The following C6orf163 variants were observed in gnomAD, a reference collection of about 807,000 sequenced individuals.
C6orf163 encodes uncharacterized protein C6orf163.
Under a neutral mutation model 28.4 loss-of-function variants are expected in C6orf163, and 22 were observed. The observed-to-expected ratio is 0.78, with a 90% CI of 0.55 to 1.11. The LOEUF is 1.11. Ranked by LOEUF, C6orf163 falls within the 50% of genes least tolerant of loss-of-function variation. The probability of loss-of-function intolerance (pLI) is 0.00; values close to 1 mark genes in which losing one functional copy is unlikely to be tolerated. For synonymous variants in C6orf163, 110 were observed against 123.6 expected (o/e 0.89, Z 0.73); for missense variants, 342 against 389.1 (o/e 0.88, Z 1.02).
At chr6:87,352,124 G>T (rs368820277) in intron 3 of C6orf163, among the ~76,000 whole-genome samples, 1 of 152,174 alleles carries the variant, frequency 6.6e-6, no homozygotes. Context: ...TTGTCCGGGG[G>T]TTGAGAATTT....
rs907310836 is a variant in C6orf163, at chr6:87,348,667, A to G, written c.149-145A>G. The G allele has an allele frequency of 3.5e-6, 5 of 1,412,374 alleles. No individual in the cohort carries two copies. The African/African-American group carries it at 4.4e-5, about 12-fold the overall frequency. 87.5% of individuals were successfully genotyped at this position (1,412,374 alleles called of 1,614,324 possible). A position where few individuals can be genotyped will look rare whatever the true frequency, so the allele number is the denominator to read the frequency against. On this transcript the variant is annotated intron_variant, in intron 1 of 4. Transcript: ENST00000388923. ...AATCAGAGAAAATCTTACTCTTTCAATGGGTATCTTTGAAATATATATACT... is the reference window on the plus strand; with the variant it reads ...AATCAGAGAAAATCTTACTCTTTCAGTGGGTATCTTTGAAATATATATACT...
intron 2 of C6orf163, among the ~76,000 whole-genome samples, chr6:87,349,136 C>G (rs1437019773): frequency 2.0e-5 from 3 of 152,152 alleles, no homozygotes; most frequent in Non-Finnish European, 4.4e-5. Flanking sequence ...AATAATATGC[C>G]TGGCACACAG....
At chr6:87,346,037 G>A (rs191150953) in intron 1 of C6orf163, among the ~76,000 whole-genome samples, 10 of 122,730 alleles carry the variant, frequency 8.1e-5, no homozygotes, top group Admixed American at 3.0e-4. Context: ...ACATGAGGAC[G>A]TTTACTGTAC....
chr6:87,355,948 C>T (rs1282468910), intron 3 of C6orf163, among the ~76,000 whole-genome samples: 1 of 152,150 alleles, frequency 6.6e-6, no homozygotes, highest in Non-Finnish European at 1.5e-5. Flanking sequence ...CTTACTAAAG[C>T]AGAATTGCAT....
At chr6:87,349,405 CCT>C (rs1041891774) in intron 2 of C6orf163, among the ~76,000 whole-genome samples, 4 of 152,248 alleles carry the variant, frequency 2.6e-5, no homozygotes, top group African/African-American at 9.6e-5. Context: ...CTTTTCCTCC[CCT>C]CTCTCCCAAA....
Position 87,356,374 on chromosome 6 carries a change from C to T in C6orf163, c.425C>T (p.Ala142Val). Reference sequence around the variant, plus strand: ...GAAATGAAGAGAGAGCACTTGGCTGCAGAACAGCGCATGGTCCACAGAATC... The same window carrying T: ...GAAATGAAGAGAGAGCACTTGGCTGTAGAACAGCGCATGGTCCACAGAATC... ...DDEMKREHLAAEQRMVHRIQR... is the reference protein window; with the variant it reads ...DDEMKREHLAVEQRMVHRIQR... Residue 142 changes from alanine to valine, a missense_variant, in exon 4 of 5, where the codon GCA becomes GTA. Ala to Val is a moderately conservative substitution (Grantham distance 64). Coordinates refer to ENST00000388923, the MANE Select transcript of C6orf163 (RefSeq NM_001010868.3). 6.4e-7 allele frequency: 1 copy of T among 1,551,660 alleles called. No homozygotes were observed.
chr6:87,363,608 G>C (rs1207648499), intron 4 of C6orf163, among the ~76,000 whole-genome samples: 1 of 150,330 alleles, frequency 6.7e-6, no homozygotes, highest in Non-Finnish European at 1.5e-5. Flanking sequence ...TTGGTTTTTT[G>C]TTCTTGCAAT....
rs2127936629 is a variant in C6orf163 at position 87,365,064 on chromosome 6, C to T, written c.658C>T (p.Leu220Phe). 2 of 1,551,792 alleles carry T rather than the reference C, an allele frequency of 1.3e-6. No individual in the cohort carries two copies. The highest frequency in any genetic ancestry group is 2.4e-5 in the South Asian group (2 of 84,048). ...MREKEHEMSI[L>F]YGIAQRQRQE... ...GGAAAAAGAACATGAAATGAGCATC[C>T]TCTATGGCATAGCTCAGAGGCAGAG... The change falls in exon 5 of 5, where the codon CTC (leucine) becomes TTC (phenylalanine). Residue 220 changes from leucine (L) to phenylalanine (F), a missense_variant. Transcript: ENST00000388923.
intron 4 of C6orf163, 93 bp downstream of exon 4, chr6:87,356,596 G>T: frequency 1.7e-6 from 2 of 1,157,462 alleles, no homozygotes; most frequent in Non-Finnish European, 2.4e-6. Flanking sequence ...GGTAGATATT[G>T]CCCAGTTTTT....
intron 3 of C6orf163, chr6:87,356,076 A>G: frequency 2.0e-6 from 1 of 488,412 alleles, no homozygotes; most frequent in East Asian, 3.2e-5. Flanking sequence ...CCCTTTCAAT[A>G]TTATCTACGT....
intron 3 of C6orf163, among the ~76,000 whole-genome samples, chr6:87,352,972 C>T (rs1045416427): frequency 6.6e-6 from 1 of 152,106 alleles, no homozygotes; most frequent in African/African-American, 2.4e-5. Flanking sequence ...GTGACTCACT[C>T]AAGATGCATT....
intron 1 of C6orf163, among the ~76,000 whole-genome samples, chr6:87,346,709 G>C (rs1030211023): frequency 1.3e-5 from 2 of 152,142 alleles, no homozygotes; most frequent in Non-Finnish European, 2.9e-5. Flanking sequence ...TATTAATACA[G>C]ATATCCAAAC....
At chr6:87,348,386 C>T (rs1582104131) in intron 1 of C6orf163, 1 of 988,378 alleles carries the variant, frequency 1.0e-6, no homozygotes, top group South Asian at 4.7e-5. Flanking sequence ...TAAAGAAAGG[C>T]ATGTAATGTG....
chr6:87,350,016 C>T (rs928810684), intron 2 of C6orf163, among the ~76,000 whole-genome samples: 25 of 152,196 alleles, frequency 1.6e-4, no homozygotes, highest in African/African-American at 5.6e-4. Flanking sequence ...TAGCTTTGTG[C>T]GTCTTTTCAT....
chr6:87,347,617 A>G lies in C6orf163; in HGVS notation c.149-1195A>G, dbSNP rs549869933. ...AGTAGGAGACTCTGTGCCGCCAAAC[A>G]TATACTTTTAATTGCTAGTGACAGA... On this transcript the variant is annotated intron_variant, in intron 1 of 4. Transcript: ENST00000388923. The G allele has an allele frequency of 4.8e-5, 47 of 985,422 alleles. No homozygotes were observed. The African/African-American group carries it at 4.9e-4, about 10-fold the overall frequency. 61.0% of individuals were successfully genotyped at this position (985,422 alleles called of 1,614,324 possible). A position where few individuals can be genotyped will look rare whatever the true frequency, so the allele number is the denominator to read the frequency against.
At chr6:87,351,047 A>G (rs990449220) in intron 3 of C6orf163, among the ~76,000 whole-genome samples, 1 of 152,226 alleles carries the variant, frequency 6.6e-6, no homozygotes, top group Non-Finnish European at 1.5e-5. Context: ...CTGTCCCTCA[A>G]TAATTTAATG....
chr6:87,348,605 C>T, intron 1 of C6orf163: 4 of 1,340,696 alleles, frequency 3.0e-6, no homozygotes, highest in Non-Finnish European at 3.8e-6. Flanking sequence ...GAATGACCAA[C>T]TCTATCCAGG....
At chr6:87,360,252 A>G (rs1777561967) in intron 4 of C6orf163, among the ~76,000 whole-genome samples, 1 of 147,100 alleles carries the variant, frequency 6.8e-6, no homozygotes, top group African/African-American at 2.5e-5. Context: ...TTCTCATATG[A>G]TAAGCTTTCT....
intron 3 of C6orf163, among the ~76,000 whole-genome samples, chr6:87,354,002 C>T (rs1371010719): frequency 6.6e-6 from 1 of 152,134 alleles, no homozygotes. Flanking sequence ...CAAGTGTGCA[C>T]CACCACACCC....
Sources: allele counts gnomAD v4.1 joint callset (sites outside exome capture counted in the v4.1 genomes callset), GRCh38; gene constraint gnomAD v4.1.1; transcripts MANE v1.5; gene names NCBI Gene and HGNC (gene_info 2026-07-23, HGNC 2026-07-21).